The following SLC4A4 variants were observed in gnomAD, a reference collection of about 807,000 sequenced individuals.
The protein encoded by SLC4A4 is solute carrier family 4 member 4, also known as electrogenic sodium bicarbonate cotransporter 1.
A neutral mutation model predicts 111.5 loss-of-function variants in SLC4A4; 27 were observed. That is an observed-to-expected ratio of 0.24 (90% CI 0.18 to 0.33). The LOEUF (loss-of-function observed/expected upper bound fraction) is 0.33, where lower values mean the gene tolerates loss of function less well. Among genes scored for constraint, SLC4A4 ranks in the 10% least tolerant of loss-of-function variants. SLC4A4 has a pLI of 1.00. For missense variants in SLC4A4, 909 were observed against 1,315.5 expected (o/e 0.69, Z 4.78); for synonymous variants, 443 against 463.4 (o/e 0.96, Z 0.57).
intron 6 of SLC4A4, among the ~76,000 whole-genome samples, chr4:71,387,901 GA>G (rs144180937): frequency 0.03 from 4,596 of 152,230 alleles, 234 homozygotes; most frequent in African/African-American, 0.11. Context: ...ATATATGGAA[GA>G]GAGTAGACCA....
intron 1 of SLC4A4, among the ~76,000 whole-genome samples, chr4:71,234,082 T>C (rs1719633318): frequency 6.6e-6 from 1 of 152,224 alleles, no homozygotes; most frequent in East Asian, 1.9e-4. Context: ...TTGGAACACA[T>C]TACCTGCAAA....
chr4:71,271,719 A>G (rs540051630), intron 3 of SLC4A4, among the ~76,000 whole-genome samples: 6 of 152,364 alleles, frequency 3.9e-5, no homozygotes, highest in South Asian at 2.1e-4. Flanking sequence ...CAATAAGAAT[A>G]AATGAAGATA....
At chr4:71,080,493 G>A (rs1486337163) in intron 1 of SLC4A4, among the ~76,000 whole-genome samples, 1 of 152,076 alleles carries the variant, frequency 6.6e-6, no homozygotes, top group Non-Finnish European at 1.5e-5. Flanking sequence ...ACATGTAAAA[G>A]GATGAGTGTT....
chr4:71,094,990 TTGATCAGTAAAACTGA>T (rs1260915811), intron 2 of SLC4A4, among the ~76,000 whole-genome samples: 1 of 152,214 alleles, frequency 6.6e-6, no homozygotes, highest in Non-Finnish European at 1.5e-5. Context: ...TTTCAAATTG[TTGATCAGTAAAACTGA>T]TGATCAGTAA....
intron 2 of SLC4A4, among the ~76,000 whole-genome samples, chr4:71,120,771 G>A (rs891827043): frequency 1.6e-4 from 24 of 152,216 alleles, no homozygotes; most frequent in Non-Finnish European, 2.8e-4. Flanking sequence ...GTGACAGCAT[G>A]CTGGCAGCCC....
At chr4:71,360,376 G>C (rs1730669685) in intron 6 of SLC4A4, among the ~76,000 whole-genome samples, 1 of 152,006 alleles carries the variant, frequency 6.6e-6, no homozygotes, top group South Asian at 2.1e-4. Flanking sequence ...TAGGCTTAAA[G>C]AAGTGATGGA....
At chr4:71,392,957 A>G (rs1195657783) in intron 6 of SLC4A4, among the ~76,000 whole-genome samples, 3 of 152,288 alleles carry the variant, frequency 2.0e-5, no homozygotes, top group Non-Finnish European at 4.4e-5. Flanking sequence ...GCATTCAACA[A>G]AATCCAGCAT....
intron 3 of SLC4A4, among the ~76,000 whole-genome samples, chr4:71,292,833 G>GTTTTTTT (rs1210782035): frequency 7.5e-6 from 1 of 133,384 alleles, no homozygotes; most frequent in African/African-American, 3.0e-5. Flanking sequence ...CTTACTTTTG[G>GTTTTTTT]TTTTTTTTGT....
intron 2 of SLC4A4, among the ~76,000 whole-genome samples, chr4:71,157,842 A>G (rs557458127): frequency 2.0e-3 from 302 of 152,340 alleles, no homozygotes; most frequent in Non-Finnish European, 3.1e-3. Flanking sequence ...ATCTCTAACA[A>G]GGAAAGCAAC....
chr4:71,525,668 G>C (rs1186676839), intron 16 of SLC4A4, among the ~76,000 whole-genome samples: 1 of 152,096 alleles, frequency 6.6e-6, no homozygotes, highest in Non-Finnish European at 1.5e-5. Flanking sequence ...GGGCTCTGAA[G>C]CCACAGGTTT....
chr4:71,238,385 A>T (rs1202001219), intron 2 of SLC4A4, among the ~76,000 whole-genome samples: 1 of 152,248 alleles, frequency 6.6e-6, no homozygotes. Context: ...ACGACAATAT[A>T]AATGAATAGC....
intron 12 of SLC4A4, among the ~76,000 whole-genome samples, chr4:71,455,586 A>G (rs1726169838): frequency 6.6e-6 from 1 of 152,162 alleles, no homozygotes; most frequent in Non-Finnish European, 1.5e-5. Flanking sequence ...AATAGAAGAA[A>G]GCTGTGATTT....
chr4:71,065,671 G>A (rs1039982145), intron 1 of SLC4A4, among the ~76,000 whole-genome samples: 2 of 151,908 alleles, frequency 1.3e-5, no homozygotes, highest in African/African-American at 4.8e-5. Context: ...TTGCTTCTGG[G>A]ACTTTGCGCA....
At chr4:71,121,337 C>A (rs966030421) in intron 2 of SLC4A4, among the ~76,000 whole-genome samples, 2 of 152,194 alleles carry the variant, frequency 1.3e-5, no homozygotes, top group Non-Finnish European at 2.9e-5. Flanking sequence ...AGGTGCACGG[C>A]GCTGGACTGA....
At chr4:71,511,370 T>C (rs780294335) in intron 16 of SLC4A4, among the ~76,000 whole-genome samples, 2 of 152,126 alleles carry the variant, frequency 1.3e-5, no homozygotes, top group Admixed American at 6.5e-5. Flanking sequence ...GGAGGATAGA[T>C]GGTATTCTTT....
chr4:71,173,208 G>C (rs1001421759), intron 2 of SLC4A4, among the ~76,000 whole-genome samples: 1 of 152,072 alleles, frequency 6.6e-6, no homozygotes, highest in Non-Finnish European at 1.5e-5. Context: ...TCAAAGTCTA[G>C]TATTTCCAAA....
intron 24 of SLC4A4, among the ~76,000 whole-genome samples, chr4:71,566,216 G>T (rs1737457599): frequency 6.6e-6 from 1 of 151,210 alleles, no homozygotes; most frequent in African/African-American, 2.4e-5. Flanking sequence ...AATGGGGTTT[G>T]GTTATGAATT....
At chr4:71,366,985 C>G (rs1042182438) in intron 6 of SLC4A4, among the ~76,000 whole-genome samples, 1 of 152,158 alleles carries the variant, frequency 6.6e-6, no homozygotes, top group Non-Finnish European at 1.5e-5. Context: ...ACACAGGTGC[C>G]GAGTCTCTCT....
intron 2 of SLC4A4, among the ~76,000 whole-genome samples, chr4:71,131,554 T>C (rs1743708331): frequency 6.6e-6 from 1 of 152,190 alleles, no homozygotes; most frequent in South Asian, 2.1e-4. Context: ...GTGCCTGGAA[T>C]TACTATGTGG....
Sources: gnomAD v4.1 joint callset for allele counts (sites outside exome capture counted in the v4.1 genomes callset) on GRCh38, gnomAD v4.1.1 for gene constraint, MANE v1.5 for transcripts, NCBI Gene and HGNC (gene_info 2026-07-23, HGNC 2026-07-21) for gene names.